PPP2R2C: variants seen among roughly 807,000 people sequenced by gnomAD.
The protein encoded by PPP2R2C is protein phosphatase 2 regulatory subunit Bgamma, also known as protein phosphatase 2, regulatory subunit B, gamma.
PPP2R2C carries 10 observed loss-of-function variants against 45.3 expected under a neutral mutation model. The observed-to-expected ratio is 0.22, with a 90% CI of 0.14 to 0.37. The LOEUF is 0.37. PPP2R2C is among the 10% of genes least tolerant of loss of function. The pLI, the probability that PPP2R2C is intolerant of heterozygous loss-of-function variation, is 1.00. For missense variants in PPP2R2C, 308 were observed against 619.7 expected, an observed-to-expected ratio of 0.50 and a Z score of 5.34; for synonymous variants, 257 against 245.4, an observed-to-expected ratio of 1.05 and a Z score of -0.44.
chr4:6,393,505 G>A (rs538296150), intron 1 of PPP2R2C, among the ~76,000 whole-genome samples: 1 of 152,340 alleles, frequency 6.6e-6, no homozygotes, highest in South Asian at 2.1e-4. Context: ...TCTTCCAGCA[G>A]AAACCCAGTC....
At chr4:6,459,997 C>T (rs1435551034) in intron 1 of PPP2R2C, among the ~76,000 whole-genome samples, 2 of 152,050 alleles carry the variant, frequency 1.3e-5, no homozygotes, top group East Asian at 1.9e-4. Context: ...CAAATATGCA[C>T]GCAAAAAGGT....
chr4:6,519,742 T>C (rs1281219814), intron 2 of PPP2R2C, among the ~76,000 whole-genome samples: 3 of 152,100 alleles, frequency 2.0e-5, no homozygotes, highest in Admixed American at 2.0e-4. Flanking sequence ...TCCTGCCCTC[T>C]TCCAGGCAAT....
intron 7 of PPP2R2C, 54 bp downstream of exon 7, chr4:6,333,508 C>G: frequency 1.3e-6 from 2 of 1,584,392 alleles, no homozygotes; most frequent in South Asian, 2.3e-5. Context: ...CCATGGGGAT[C>G]TCAGCATAGG....
intron 8 of PPP2R2C, among the ~76,000 whole-genome samples, chr4:6,327,049 T>G (rs1307750147): frequency 6.6e-6 from 1 of 152,208 alleles, no homozygotes; most frequent in African/African-American, 2.4e-5. Context: ...TTGGGACCCC[T>G]GACCATGGGG....
chr4:6,408,746 C>G (rs1276814047), intron 1 of PPP2R2C, among the ~76,000 whole-genome samples: 1 of 152,060 alleles, frequency 6.6e-6, no homozygotes, highest in East Asian at 1.9e-4. Context: ...GCGGGGCACC[C>G]TGAGAAACTC....
At chr4:6,475,448 C>T (rs1722109495), upstream of PPP2R2C, among the ~76,000 whole-genome samples, 1 of 152,168 alleles carries the variant, frequency 6.6e-6, no homozygotes, top group Admixed American at 6.5e-5. Context: ...ACCACAATGC[C>T]AAAAGGGTAC....
intron 1 of PPP2R2C, among the ~76,000 whole-genome samples, chr4:6,421,961 G>C (rs1489373098): frequency 6.6e-6 from 1 of 152,100 alleles, no homozygotes; most frequent in Admixed American, 6.5e-5. Flanking sequence ...ACTTAGGAAA[G>C]AAATCCCATA....
chr4:6,446,221 C>A (rs1295524265), intron 1 of PPP2R2C, among the ~76,000 whole-genome samples: 1 of 152,198 alleles, frequency 6.6e-6, no homozygotes, highest in Non-Finnish European at 1.5e-5. Context: ...TCGGAGCTGC[C>A]CCTGCAGCGT....
chr4:6,532,073 G>T (rs943650487), intron 2 of PPP2R2C, among the ~76,000 whole-genome samples: 3 of 152,192 alleles, frequency 2.0e-5, no homozygotes, highest in African/African-American at 7.2e-5. Flanking sequence ...TGTCAGGAAG[G>T]TTTAGCCATC....
At chr4:6,358,536 T>C (rs985847628) in intron 5 of PPP2R2C, among the ~76,000 whole-genome samples, 4 of 114,206 alleles carry the variant, frequency 3.5e-5, no homozygotes, top group African/African-American at 1.3e-4. Context: ...AAAAAAAAAA[T>C]GGCCATCAGA....
rs1375368070 is a variant in PPP2R2C, at chr4:6,347,976, G to T, written c.660C>A (p.Asp220Glu). The part of the protein sequence containing the change: ...IVDIKPANME[D>E]LTEVITASEF... ...CAGATGCTGTGATCACCTCCGTAAG[G>T]TCCTCCATGTTGGCCGGCTTGATGT... Residue 220 changes from aspartate to glutamate, a missense_variant, in exon 6 of 9, where the codon GAC becomes GAA. Coordinates refer to ENST00000382599, the MANE Select transcript of PPP2R2C (RefSeq NM_020416.4). 6.2e-7 allele frequency: 1 copy of T among 1,614,022 alleles called. No individual in the cohort carries two copies. The highest frequency in any genetic ancestry group is 1.1e-5 in the South Asian group (1 of 91,078).
intron 2 of PPP2R2C, among the ~76,000 whole-genome samples, chr4:6,482,635 G>A (rs986944560): frequency 2.6e-5 from 4 of 152,174 alleles, no homozygotes; most frequent in African/African-American, 9.7e-5. Context: ...CTAATAGTTT[G>A]AGAGCAGATT....
chr4:6,528,645 T>C (rs981103805), intron 2 of PPP2R2C, among the ~76,000 whole-genome samples: 1 of 152,206 alleles, frequency 6.6e-6, no homozygotes, highest in African/African-American at 2.4e-5. Flanking sequence ...ATCATATCCC[T>C]GTGACCTGCA....
upstream of PPP2R2C, among the ~76,000 whole-genome samples, chr4:6,474,409 G>A (rs942694546): frequency 3.9e-5 from 6 of 152,124 alleles, no homozygotes; most frequent in African/African-American, 1.2e-4. Flanking sequence ...GCTCAGCAGG[G>A]GTCAGGCCTC....
chr4:6,437,034 T>C (rs1464096472), intron 1 of PPP2R2C, among the ~76,000 whole-genome samples: 2 of 152,214 alleles, frequency 1.3e-5, no homozygotes, highest in African/African-American at 4.8e-5. Context: ...TCTCCAGAAA[T>C]TGTAAGAGCT....
intron 1 of PPP2R2C, among the ~76,000 whole-genome samples, chr4:6,461,874 T>C (rs1232785215): frequency 2.6e-5 from 4 of 152,148 alleles, no homozygotes; most frequent in African/African-American, 9.7e-5. Context: ...CTACCCCAGT[T>C]CCTGCCACAT....
intron 2 of PPP2R2C, among the ~76,000 whole-genome samples, chr4:6,481,942 G>A (rs941153531): frequency 8.2e-6 from 1 of 122,450 alleles, no homozygotes; most frequent in Non-Finnish European, 1.6e-5. Context: ...TCGCACCACT[G>A]CACTCCAGCC....
At chr4:6,366,408 T>G (rs1267193669) in intron 5 of PPP2R2C, among the ~76,000 whole-genome samples, 1 of 152,122 alleles carries the variant, frequency 6.6e-6, no homozygotes, top group African/African-American at 2.4e-5. Flanking sequence ...AGTGGTGAAC[T>G]TCCAGCCCAC....
At chr4:6,353,267 AACACCGACAGT>A (rs1712733583) in intron 5 of PPP2R2C, among the ~76,000 whole-genome samples, 1 of 96,894 alleles carries the variant, frequency 1.0e-5, no homozygotes, top group Non-Finnish European at 2.2e-5. Context: ...ACAGCCCCCC[AACACCGACAGT>A]CCCCCCACAC....
Sources: allele counts gnomAD v4.1 joint callset (sites outside exome capture counted in the v4.1 genomes callset), GRCh38; gene constraint gnomAD v4.1.1; transcripts MANE v1.5; gene names NCBI Gene and HGNC (gene_info 2026-07-23, HGNC 2026-07-21).